FRMD5: variants seen among roughly 807,000 people sequenced by gnomAD.
The protein encoded by FRMD5 is FERM domain containing 5, also known as FERM domain-containing protein 5.
Under a neutral mutation model 69.0 loss-of-function variants are expected in FRMD5, and 20 were observed. The observed-to-expected ratio is 0.29, with a 90% confidence interval of 0.20 to 0.42. FRMD5 has a LOEUF of 0.42. Ranked by LOEUF, FRMD5 falls within the 10% of genes least tolerant of loss-of-function variation. The probability of loss-of-function intolerance (pLI) is 1.00; values close to 1 mark genes in which losing one functional copy is unlikely to be tolerated. For synonymous variants in FRMD5, 271 were observed against 260.1 expected, an observed-to-expected ratio of 1.04 and a Z score of -0.40; for missense variants, 595 against 708.6, an observed-to-expected ratio of 0.84 and a Z score of 1.82.
At chr15:43,929,483 G>C (rs530409402) in intron 1 of FRMD5, among the ~76,000 whole-genome samples, 2 of 152,212 alleles carry the variant, frequency 1.3e-5, no homozygotes, top group Non-Finnish European at 2.9e-5. Context: ...AAACGAAGTA[G>C]AGTCTAGCAG....
chr15:44,164,212 C>CTTAA (rs1343088088), intron 1 of FRMD5, among the ~76,000 whole-genome samples: 1 of 152,212 alleles, frequency 6.6e-6, no homozygotes, highest in Non-Finnish European at 1.5e-5. Flanking sequence ...CCCTTACTTA[C>CTTAA]TTAATGATAG....
rs190186835 is a variant in FRMD5 at position 44,149,360 on chromosome 15, A to G, written c.102+45593T>C. On this transcript the variant is annotated intron_variant, in intron 1 of 13. Coordinates refer to ENST00000417257, the MANE Select transcript of FRMD5 (RefSeq NM_032892.5). ...GAAGATAGTAATACAGAAATGAGAG[A>G]TTTTTAAAACTATAATATATATAGA... 1.1e-4 allele frequency among the ~76,000 whole-genome samples: 16 copies of G among 152,222 alleles called. No homozygotes were observed. The East Asian group carries it at 3.1e-3, about 29-fold the overall frequency.
chr15:44,109,475 A>G (rs1408536192), intron 1 of FRMD5, among the ~76,000 whole-genome samples: 1 of 151,362 alleles, frequency 6.6e-6, no homozygotes, highest in Non-Finnish European at 1.5e-5. Flanking sequence ...TTTTTAGTTA[A>G]TAAATTTTGT....
chr15:44,175,903 C>T (rs2077886409), intron 1 of FRMD5, among the ~76,000 whole-genome samples: 1 of 152,032 alleles, frequency 6.6e-6, no homozygotes, highest in Non-Finnish European at 1.5e-5. Context: ...GAAATACATC[C>T]TACATTCATG....
intron 7 of FRMD5, among the ~76,000 whole-genome samples, chr15:43,899,415 T>C (rs887733304): frequency 2.0e-5 from 3 of 151,690 alleles, no homozygotes; most frequent in Non-Finnish European, 4.4e-5. Flanking sequence ...TCCTGGGGGG[T>C]TTCTGTTCTT....
At chr15:43,952,245 A>G (rs1006884430) in intron 1 of FRMD5, among the ~76,000 whole-genome samples, 1 of 152,146 alleles carries the variant, frequency 6.6e-6, no homozygotes, top group East Asian at 1.9e-4. Flanking sequence ...TATACATCCC[A>G]AATACATTCT....
intron 13 of FRMD5, among the ~76,000 whole-genome samples, chr15:43,880,545 C>T (rs2088497237): frequency 6.6e-6 from 1 of 152,230 alleles, no homozygotes; most frequent in South Asian, 2.1e-4. Context: ...TTAATTGCTA[C>T]AATCTTTTAT....
chr15:44,008,588 G>A (rs1890568521), intron 1 of FRMD5, among the ~76,000 whole-genome samples: 1 of 152,014 alleles, frequency 6.6e-6, no homozygotes, highest in Admixed American at 6.6e-5. Flanking sequence ...AACATGTGGT[G>A]CACCAAAGAT....
upstream of FRMD5, among the ~76,000 whole-genome samples, chr15:44,197,195 G>A (rs1205531523): frequency 1.6e-5 from 2 of 128,298 alleles, no homozygotes; most frequent in African/African-American, 5.5e-5. Context: ...AGCAAGACTC[G>A]GTCTAAAAAA....
intron 1 of FRMD5, among the ~76,000 whole-genome samples, chr15:43,976,376 T>C (rs1363355281): frequency 6.6e-6 from 1 of 152,226 alleles, no homozygotes; most frequent in African/African-American, 2.4e-5. Flanking sequence ...AGAAAATCTT[T>C]GCAAAGCATT....
At chr15:44,055,454 A>G (rs986777062) in intron 1 of FRMD5, among the ~76,000 whole-genome samples, 1 of 152,234 alleles carries the variant, frequency 6.6e-6, no homozygotes, top group African/African-American at 2.4e-5. Context: ...ATCCTCAGCT[A>G]CTAAGAGGAT....
chr15:44,140,447 G>A (rs1001359890), intron 1 of FRMD5, among the ~76,000 whole-genome samples: 2 of 151,884 alleles, frequency 1.3e-5, no homozygotes, highest in Admixed American at 6.6e-5. Flanking sequence ...AAAGATACCC[G>A]TTACCACCAC....
intron 1 of FRMD5, among the ~76,000 whole-genome samples, chr15:44,073,330 C>T (rs1238890726): frequency 6.7e-6 from 1 of 148,388 alleles, no homozygotes; most frequent in Non-Finnish European, 1.5e-5. Context: ...AATATTCAGC[C>T]CAAACACCTT....
chr15:43,957,062 G>T (rs971733106), intron 1 of FRMD5, among the ~76,000 whole-genome samples: 9 of 152,088 alleles, frequency 5.9e-5, no homozygotes, highest in African/African-American at 2.2e-4. Context: ...TTTATATAAC[G>T]TTTTATAATT....
chr15:44,107,055 A>G (rs538711083), intron 1 of FRMD5, among the ~76,000 whole-genome samples: 1 of 152,360 alleles, frequency 6.6e-6, no homozygotes, highest in African/African-American at 2.4e-5. Context: ...TGTGACTCCA[A>G]GGACTCTCTG....
chr15:43,972,612 C>T (rs1350517036), intron 1 of FRMD5, among the ~76,000 whole-genome samples: 1 of 152,126 alleles, frequency 6.6e-6, no homozygotes, highest in Non-Finnish European at 1.5e-5. Context: ...GGATTTCAGC[C>T]CCAGTTGCCC....
At chr15:44,131,416 T>C (rs938123329) in intron 1 of FRMD5, among the ~76,000 whole-genome samples, 2 of 151,908 alleles carry the variant, frequency 1.3e-5, no homozygotes, top group African/African-American at 4.8e-5. Flanking sequence ...CAAAATATAA[T>C]TACTATATGA....
intron 1 of FRMD5, among the ~76,000 whole-genome samples, chr15:44,095,045 G>C (rs2076531258): frequency 6.6e-6 from 1 of 151,894 alleles, no homozygotes; most frequent in African/African-American, 2.4e-5. Context: ...TAATCTAGCA[G>C]CAGAGTATTT....
At chr15:44,044,118 A>G (rs1293221418) in intron 1 of FRMD5, among the ~76,000 whole-genome samples, 1 of 152,248 alleles carries the variant, frequency 6.6e-6, no homozygotes, top group Non-Finnish European at 1.5e-5. Context: ...AAGGATATGA[A>G]CAGACACTTC....
Sources: gnomAD v4.1 joint callset for allele counts (sites outside exome capture counted in the v4.1 genomes callset) on GRCh38, gnomAD v4.1.1 for gene constraint, MANE v1.5 for transcripts, NCBI Gene and HGNC (gene_info 2026-07-23, HGNC 2026-07-21) for gene names.